The following RNF152 variants were observed in gnomAD, a reference collection of about 807,000 sequenced individuals.
RNF152 encodes E3 ubiquitin-protein ligase RNF152.
A neutral mutation model predicts 12.7 loss-of-function variants in RNF152; 11 were observed. The ratio of observed to expected loss-of-function variants is 0.86; its 90% CI spans 0.54 to 1.43. The LOEUF is 1.43. Ranked by LOEUF, RNF152 falls within the 40% of genes most tolerant of loss-of-function variation. The pLI, the probability that RNF152 is intolerant of heterozygous loss-of-function variation, is 0.00. For synonymous variants in RNF152, 113 were observed against 120.3 expected (o/e 0.94, Z 0.40); for missense variants, 255 against 274.8 (o/e 0.93, Z 0.51).
intron 1 of RNF152, among the ~76,000 whole-genome samples, chr18:61,823,020 A>T (rs1173942468): frequency 1.3e-5 from 2 of 152,248 alleles, no homozygotes; most frequent in African/African-American, 4.8e-5. Context: ...AAACACTCCA[A>T]TTAGTGGCAA....
intron 1 of RNF152, among the ~76,000 whole-genome samples, chr18:61,871,711 G>A (rs1725200118): frequency 6.6e-6 from 1 of 152,164 alleles, no homozygotes; most frequent in Admixed American, 6.5e-5. Context: ...TTTGGACCAT[G>A]AACAGCCTGG....
At chr18:61,884,700 C>T (rs1310628128) in intron 1 of RNF152, among the ~76,000 whole-genome samples, 1 of 152,166 alleles carries the variant, frequency 6.6e-6, no homozygotes, top group Non-Finnish European at 1.5e-5. Context: ...GCTAGGATTA[C>T]AGGTGCCCAC....
intron 1 of RNF152, chr18:61,888,225 T>C (rs746392554): frequency 6.6e-6 from 1 of 152,266 alleles, no homozygotes; most frequent in Non-Finnish European, 1.5e-5. Flanking sequence ...CAAGAAATCA[T>C]GGACATCAAG....
rs58772361 is a variant in RNF152, at chr18:61,813,278, T to TCACACACACACA, written c.*2562_*2573dup. ...GAGATTCTCTCTCTCTCTCTCTCTC[T>TCACACACACACA]CACACACACACACACACACACACAC... On this transcript the variant is annotated 3_prime_UTR_variant, in exon 2 of 2. Coordinates refer to ENST00000312828, the MANE Select transcript of RNF152 (RefSeq NM_173557.3). 8.5e-6 allele frequency: 1 copy of TCACACACACACA among 117,210 alleles called. No individual in the cohort carries two copies. Among genetic ancestry groups the TCACACACACACA allele is most frequent in the Non-Finnish European group, 1.9e-5 (1 of 51,980 alleles). The allele number at this position is 117,210 out of a possible 1,614,324, so 7.3% of individuals were successfully genotyped here. A position where few individuals can be genotyped will look rare whatever the true frequency, so the allele number is the denominator to read the frequency against.
At chr18:61,823,681 G>A (rs1313341743) in intron 1 of RNF152, among the ~76,000 whole-genome samples, 2 of 152,250 alleles carry the variant, frequency 1.3e-5, no homozygotes, top group African/African-American at 4.8e-5. Flanking sequence ...ACTGGCCCAG[G>A]TGGCAGAGGC....
At chr18:61,890,041 G>T (rs1035058937) in intron 1 of RNF152, among the ~76,000 whole-genome samples, 1 of 152,232 alleles carries the variant, frequency 6.6e-6, no homozygotes, top group African/African-American at 2.4e-5. Flanking sequence ...AACCATGTTA[G>T]TAAATACCAT....
rs971893081 is a variant in RNF152 at position 61,854,223 on chromosome 18, G to A, written c.-135-37625C>T. On this transcript the variant is annotated intron_variant, in intron 1 of 1. Transcript: ENST00000312828. Reference sequence around the variant, plus strand: ...GCTTCTCAGCCAATGCACAGCAAATGGAAACTAACCAAGCCTTTCCCTAAG... The same window carrying A: ...GCTTCTCAGCCAATGCACAGCAAATAGAAACTAACCAAGCCTTTCCCTAAG... Among the ~76,000 whole-genome samples the A allele has an allele frequency of 3.3e-5, 5 of 152,110 alleles. No individual in the cohort carries two copies. In the East Asian group the frequency reaches 7.7e-4, roughly 23 times the overall value.
chr18:61,816,298 C>G lies in RNF152; in HGVS notation c.166G>C (p.Gly56Arg). The G allele has an allele frequency of 1.9e-6, 3 of 1,614,184 alleles. No homozygotes were observed. Among genetic ancestry groups the G allele is most frequent in the Non-Finnish European group, 2.5e-6 (3 of 1,180,014 alleles). The change falls in exon 2 of 2, where the codon GGT becomes CGT. Residue 56 changes from glycine (G) to arginine (R), a missense_variant. Transcript: ENST00000312828. Reference protein sequence around the residue: ...QKDVRCPWCRGVTKLPPGFSV... With the variant: ...QKDVRCPWCRRVTKLPPGFSV... Reference sequence around the variant, plus strand: ...AAGCCGGGAGGCAGCTTGGTGACACCGCGGCACCAGGGGCACCGCACATCC... The same window carrying G: ...AAGCCGGGAGGCAGCTTGGTGACACGGCGGCACCAGGGGCACCGCACATCC...
At chr18:61,848,522 G>A (rs1910833581) in intron 1 of RNF152, among the ~76,000 whole-genome samples, 2 of 152,150 alleles carry the variant, frequency 1.3e-5, no homozygotes, top group Non-Finnish European at 2.9e-5. Flanking sequence ...ACTACACACA[G>A]CCCCCCAGGC....
rs1908988311 is a variant in RNF152, at chr18:61,814,878, G to A, written c.*974C>T. ...TGCAGGACTTAAATACACAGAAGAG[G>A]AGCGAGTGTTGCAGGTGACGTGTAG... is the stretch of plus-strand genomic sequence containing the variant. On this transcript the variant is annotated 3_prime_UTR_variant, in exon 2 of 2. Coordinates refer to ENST00000312828, the MANE Select transcript of RNF152 (RefSeq NM_173557.3). 1 of 152,162 alleles carries A rather than the reference G, an allele frequency of 6.6e-6. No homozygotes were observed. The highest frequency in any genetic ancestry group is 2.4e-5 in the African/African-American group (1 of 41,432). The allele number at this position is 152,162 out of a possible 1,614,324, so 9.4% of individuals were successfully genotyped here.
intron 1 of RNF152, among the ~76,000 whole-genome samples, chr18:61,889,350 A>AT (rs1912843375): frequency 6.6e-6 from 1 of 152,198 alleles, no homozygotes; most frequent in Non-Finnish European, 1.5e-5. Context: ...TTCTACACTT[A>AT]TGCTTAAGGT....
chr18:61,866,808 G>A (rs974834000), intron 1 of RNF152, among the ~76,000 whole-genome samples: 4 of 152,176 alleles, frequency 2.6e-5, no homozygotes, highest in African/African-American at 9.7e-5. Context: ...TGTCCCCACC[G>A]CTGAGCAGCA....
intron 1 of RNF152, among the ~76,000 whole-genome samples, chr18:61,870,514 C>T (rs752712105): frequency 9.2e-5 from 14 of 152,136 alleles, no homozygotes; most frequent in African/African-American, 1.4e-4. Flanking sequence ...AAACCCCTGC[C>T]GACTCTGTGG....
chr18:61,893,739 C>CGGGCGCGCGCGCACGTGCACACCCAG (rs1160377025), upstream of RNF152: 2 of 152,084 alleles, frequency 1.3e-5, no homozygotes, highest in Admixed American at 6.6e-5. Context: ...GCAACTGGGG[C>CGGGCGCGCGCGCACGTGCACACCCAG]GGGCGCGCGC....
chr18:61,883,973 A>T (rs1912576474), intron 1 of RNF152, among the ~76,000 whole-genome samples: 1 of 152,198 alleles, frequency 6.6e-6, no homozygotes, highest in African/African-American at 2.4e-5. Context: ...TAAACGCTGA[A>T]GGCTGTAGTT....
chr18:61,853,124 C>T (rs1024586869), intron 1 of RNF152, among the ~76,000 whole-genome samples: 2 of 152,106 alleles, frequency 1.3e-5, no homozygotes, highest in East Asian at 1.9e-4. Flanking sequence ...TATTAGTTTC[C>T]TACTGCCACT....
chr18:61,834,791 A>T lies in RNF152; in HGVS notation c.-135-18193T>A, dbSNP rs543833878. ...GTATGCTTTTATGATATCTCCTCGCAGAATGGTAAGTTACTTAAAAGAAAG... is the reference window on the plus strand; with the variant it reads ...GTATGCTTTTATGATATCTCCTCGCTGAATGGTAAGTTACTTAAAAGAAAG... On this transcript the variant is annotated intron_variant, in intron 1 of 1. Transcript: ENST00000312828. Among the ~76,000 whole-genome samples the T allele has an allele frequency of 1.2e-3, 188 of 152,350 alleles. 1 individual carries two copies. Among genetic ancestry groups the T allele is most frequent in the African/African-American group, 4.3e-3 (180 of 41,594 alleles).
intron 1 of RNF152, among the ~76,000 whole-genome samples, chr18:61,824,616 A>C (rs1275922127): frequency 2.0e-5 from 3 of 152,224 alleles, no homozygotes; most frequent in Non-Finnish European, 2.9e-5. Flanking sequence ...TTTTTTAGCA[A>C]CTATCAAAAG....
intron 1 of RNF152, among the ~76,000 whole-genome samples, chr18:61,865,026 A>T (rs1034047093): frequency 1.3e-5 from 2 of 152,198 alleles, no homozygotes; most frequent in Non-Finnish European, 2.9e-5. Flanking sequence ...ATCTCAAAAA[A>T]AAAAGGAGTT....
Sources: gnomAD v4.1 joint callset for allele counts (sites outside exome capture counted in the v4.1 genomes callset) on GRCh38, gnomAD v4.1.1 for gene constraint, MANE v1.5 for transcripts, NCBI Gene and HGNC (gene_info 2026-07-23, HGNC 2026-07-21) for gene names.